Variants in EPB41L5 observed in about 807,000 individuals in gnomAD.
The protein encoded by EPB41L5 is erythrocyte membrane protein band 4.1 like 5, also known as band 4.1-like protein 5.
EPB41L5 carries 55 observed loss-of-function variants against 106.6 expected under a neutral mutation model. The ratio of observed to expected loss-of-function variants is 0.52; its 90% CI spans 0.42 to 0.65. EPB41L5 has a LOEUF of 0.65. Among genes scored for constraint, EPB41L5 ranks in the 30% least tolerant of loss-of-function variants. EPB41L5 has a pLI of 0.00. For synonymous variants in EPB41L5, 297 were observed against 306.7 expected (o/e 0.97, Z 0.33); for missense variants, 871 against 882.1 (o/e 0.99, Z 0.16).
At chr2:120,149,072 G>A (rs533268147) in intron 20 of EPB41L5, among the ~76,000 whole-genome samples, 22 of 152,200 alleles carry the variant, frequency 1.4e-4, no homozygotes, top group African/African-American at 5.3e-4. Flanking sequence ...TATAAAGTGT[G>A]TCTCATCTCA....
intron 23 of EPB41L5, 36 bp from the exon 24 acceptor site, chr2:120,167,841 T>C (rs1440086797): frequency 1.2e-6 from 2 of 1,613,384 alleles, no homozygotes; most frequent in East Asian, 2.2e-5. Flanking sequence ...GCAGGTATTG[T>C]TACCCTGTAT....
intron 16 of EPB41L5, among the ~76,000 whole-genome samples, chr2:120,113,778 G>A (rs1684830002): frequency 6.6e-6 from 1 of 152,152 alleles, no homozygotes; most frequent in African/African-American, 2.4e-5. Context: ...GTGTTCTTTT[G>A]TGTCTGACTT....
At chr2:120,019,557 G>C (rs916153053) in intron 2 of EPB41L5, among the ~76,000 whole-genome samples, 1 of 152,142 alleles carries the variant, frequency 6.6e-6, no homozygotes, top group African/African-American at 2.4e-5. Context: ...TCTTTGTGAT[G>C]GCAGCACATG....
chr2:120,160,456 A>G (rs1156392921), intron 20 of EPB41L5: 2 of 157,406 alleles, frequency 1.3e-5, no homozygotes, highest in Admixed American at 6.4e-5. Context: ...TAGAGCTGCA[A>G]TGAGAATGAG....
chr2:120,058,004 C>T (rs1241630001), intron 3 of EPB41L5, among the ~76,000 whole-genome samples: 1 of 152,070 alleles, frequency 6.6e-6, no homozygotes, highest in Non-Finnish European at 1.5e-5. Context: ...GAACAATTTT[C>T]AGTCTTAAAA....
At chr2:120,149,074 C>A (rs551532893) in intron 20 of EPB41L5, among the ~76,000 whole-genome samples, 6 of 152,188 alleles carry the variant, frequency 3.9e-5, no homozygotes, top group South Asian at 4.2e-4. Context: ...TAAAGTGTGT[C>A]TCATCTCATT....
intron 20 of EPB41L5, among the ~76,000 whole-genome samples, chr2:120,150,555 T>G (rs2105512016): frequency 6.6e-6 from 1 of 152,284 alleles, no homozygotes; most frequent in East Asian, 1.9e-4. Flanking sequence ...TTGCTCAGAC[T>G]GGTCTCAAGC....
At chr2:120,075,828 C>G (rs1386976577) in intron 7 of EPB41L5, 75 bp downstream of exon 7, 6 of 1,160,110 alleles carry the variant, frequency 5.2e-6, no homozygotes, top group Non-Finnish European at 7.8e-6. Flanking sequence ...AAAGAAGATT[C>G]TAATTATGTG....
intron 16 of EPB41L5, among the ~76,000 whole-genome samples, chr2:120,112,515 A>G (rs1168069663): frequency 6.6e-6 from 1 of 152,196 alleles, no homozygotes; most frequent in Admixed American, 6.5e-5. Context: ...AATAACTGAT[A>G]AAGTGCTAAA....
chr2:120,108,085 A>G (rs1364211316), intron 16 of EPB41L5: 1 of 152,112 alleles, frequency 6.6e-6, no homozygotes, highest in Non-Finnish European at 1.5e-5. Flanking sequence ...GTTCTTCCTG[A>G]AGGAATTGTT....
intron 16 of EPB41L5, among the ~76,000 whole-genome samples, chr2:120,113,993 G>A (rs536440494): frequency 6.6e-6 from 1 of 152,278 alleles, no homozygotes; most frequent in South Asian, 2.1e-4. Context: ...GTTCTCAATT[G>A]TCATGGTTAT....
At chr2:120,087,993 A>G (rs1683179077) in intron 11 of EPB41L5, among the ~76,000 whole-genome samples, 1 of 152,226 alleles carries the variant, frequency 6.6e-6, no homozygotes, top group Admixed American at 6.5e-5. Context: ...TACTTTAGAA[A>G]AGGCAAGAAG....
chr2:120,120,008 A>G (rs545242765), intron 16 of EPB41L5, among the ~76,000 whole-genome samples: 2 of 152,328 alleles, frequency 1.3e-5, no homozygotes, highest in Non-Finnish European at 2.9e-5. Context: ...CTAAGATTCC[A>G]TCTACATGAC....
rs201524429 is a variant in EPB41L5 at position 120,160,935 on chromosome 2, G to C, written c.1848G>C (p.Leu616=). 6.2e-7 allele frequency: 1 copy of C among 1,614,002 alleles called. No homozygotes were observed. Among genetic ancestry groups the C allele is most frequent in the Non-Finnish European group, 8.5e-7 (1 of 1,179,890 alleles). The change falls in exon 21 of 25, where the codon CTG becomes CTC. Residue 616 remains leucine, a synonymous_variant. Transcript: ENST00000263713. ...TCCCCAAAGAGTCTCTTGAGACTCT[G>C]ATGCTTATCACACCTGCCGACAGTG... ...VPLPKESLET[L]MLITPADSGS...
chr2:120,057,148 G>A (rs575750064), intron 3 of EPB41L5, among the ~76,000 whole-genome samples: 3 of 152,116 alleles, frequency 2.0e-5, no homozygotes, highest in East Asian at 1.9e-4. Flanking sequence ...CTTCAGCCTC[G>A]CAAAGTGCTG....
intron 3 of EPB41L5, among the ~76,000 whole-genome samples, chr2:120,043,462 G>A (rs562452661): frequency 2.0e-5 from 3 of 152,056 alleles, no homozygotes; most frequent in Non-Finnish European, 1.5e-5. Flanking sequence ...TGGGAGAATC[G>A]CTTGAACCCG....
At chr2:120,065,595 CA>C (rs1332237036) in intron 3 of EPB41L5, among the ~76,000 whole-genome samples, 1 of 149,866 alleles carries the variant, frequency 6.7e-6, no homozygotes, top group Non-Finnish European at 1.5e-5. Flanking sequence ...TGGCTCACTG[CA>C]ACCTCTGCCT....
chr2:120,139,584 A>G (rs746934917), intron 18 of EPB41L5, among the ~76,000 whole-genome samples: 38 of 152,114 alleles, frequency 2.5e-4, no homozygotes, highest in African/African-American at 7.0e-4. Context: ...AAGGTGCTCA[A>G]CATCACTGAT....
At chr2:120,113,606 A>G (rs1004767828) in intron 16 of EPB41L5, among the ~76,000 whole-genome samples, 6 of 152,228 alleles carry the variant, frequency 3.9e-5, no homozygotes, top group African/African-American at 1.2e-4. Flanking sequence ...CATCACCACT[A>G]TTTAATTCCG....
Sources: allele counts gnomAD v4.1 joint callset (sites outside exome capture counted in the v4.1 genomes callset), GRCh38; gene constraint gnomAD v4.1.1; transcripts MANE v1.5; gene names NCBI Gene and HGNC (gene_info 2026-07-23, HGNC 2026-07-21).